Variants in SPHKAP observed in about 807,000 individuals in gnomAD.
SPHKAP encodes A-kinase anchor protein SPHKAP.
SPHKAP carries 67 observed loss-of-function variants against 137.5 expected under a neutral mutation model. That is an observed-to-expected ratio of 0.49 (90% CI 0.40 to 0.60). The LOEUF (loss-of-function observed/expected upper bound fraction) is 0.60. Among genes scored for constraint, SPHKAP ranks in the 20% least tolerant of loss-of-function variants. The pLI, the probability that SPHKAP is intolerant of heterozygous loss-of-function variation, is 0.00. For missense variants in SPHKAP, 2,097 were observed against 2,069.3 expected, an observed-to-expected ratio of 1.01 and a Z score of -0.26; for synonymous variants, 813 against 785.3, an observed-to-expected ratio of 1.04 and a Z score of -0.59.
intron 1 of SPHKAP, among the ~76,000 whole-genome samples, chr2:228,160,602 C>T (rs949004916): frequency 4.5e-4 from 69 of 152,290 alleles, no homozygotes; most frequent in African/African-American, 1.6e-3. Context: ...ATTTAATTAA[C>T]TCCCACCAGA....
Position 228,017,255 on chromosome 2 carries a change from C to G in SPHKAP, c.3599G>C (p.Arg1200Thr), listed in dbSNP as rs949872578. The G allele has an allele frequency of 4.3e-6, 7 of 1,613,976 alleles. No homozygotes were observed. The highest frequency in any genetic ancestry group is 5.9e-6 in the Non-Finnish European group (7 of 1,180,036). ...TTCTCTGCTGTCTCTTTCGATGTCC[C>G]TCAGCATGTACCTGTAGAACTCCTC... Reference protein sequence around the residue: ...ITEEFYRYMLRDIERDSRESA... With the variant: ...ITEEFYRYMLTDIERDSRESA... The change falls in exon 7 of 12, where the codon AGG becomes ACG. Residue 1200 changes from arginine to threonine, a missense_variant. Coordinates refer to ENST00000392056, the MANE Select transcript of SPHKAP (RefSeq NM_001142644.2).
chr2:228,009,805 A>T (rs538001275), intron 7 of SPHKAP, among the ~76,000 whole-genome samples: 1 of 152,278 alleles, frequency 6.6e-6, no homozygotes, highest in Non-Finnish European at 1.5e-5. Flanking sequence ...TAATTCTATG[A>T]TGTGATGTTT....
chr2:228,011,296 A>G (rs1221579025), intron 7 of SPHKAP, among the ~76,000 whole-genome samples: 2 of 147,886 alleles, frequency 1.4e-5, no homozygotes, highest in Admixed American at 6.8e-5. Context: ...TCACACCTTT[A>G]CTGAGGTTGT....
At position 228,049,517 on chromosome 2, in the gene SPHKAP, G is replaced by T. The variant is rs116768662; in HGVS notation, c.247-21974C>A. Among the ~76,000 whole-genome samples, 561 of 152,124 alleles carry T rather than the reference G, an allele frequency of 3.7e-3. 2 individuals carry two copies. Among genetic ancestry groups the T allele is most frequent in the African/African-American group, 0.013 (539 of 41,478 alleles). Reference sequence around the variant, plus strand: ...TTATGTATTATTTACAATAATTTTGGCTTTTATTTCAGATTTAAGGAGTGC... The same window carrying T: ...TTATGTATTATTTACAATAATTTTGTCTTTTATTTCAGATTTAAGGAGTGC... On this transcript the variant is annotated intron_variant, in intron 3 of 11. Transcript: ENST00000392056.
At chr2:228,071,988 A>T (rs73096675) in intron 3 of SPHKAP, among the ~76,000 whole-genome samples, 2,815 of 152,312 alleles carry the variant, frequency 0.018, 86 homozygotes, top group African/African-American at 0.062. Flanking sequence ...GAGACTAGCC[A>T]TTGAATCAGG....
intron 3 of SPHKAP, among the ~76,000 whole-genome samples, chr2:228,099,850 TTTTTG>T (rs981622671): frequency 4.6e-5 from 3 of 65,152 alleles, no homozygotes; most frequent in African/African-American, 1.8e-4. Context: ...TACTGATTTT[TTTTTG>T]TTTGTTTTTT....
intron 3 of SPHKAP, among the ~76,000 whole-genome samples, chr2:228,097,290 G>A (rs1410593284): frequency 2.6e-5 from 4 of 152,194 alleles, no homozygotes; most frequent in South Asian, 4.1e-4. Flanking sequence ...AAAAATAGTT[G>A]AGAAATGGTA....
intron 2 of SPHKAP, among the ~76,000 whole-genome samples, chr2:228,109,772 C>T (rs1436427791): frequency 6.6e-6 from 1 of 151,758 alleles, no homozygotes; most frequent in African/African-American, 2.4e-5. Flanking sequence ...TTGAGACCAG[C>T]CTGGCTAACA....
At chr2:228,012,696 A>G (rs1012902028) in intron 7 of SPHKAP, among the ~76,000 whole-genome samples, 7 of 152,240 alleles carry the variant, frequency 4.6e-5, no homozygotes, top group African/African-American at 9.6e-5. Context: ...GCTTGTCAGA[A>G]TAAGCACTCA....
intron 8 of SPHKAP, chr2:227,993,952 C>A (rs538748410): frequency 2.9e-6 from 2 of 682,882 alleles, no homozygotes; most frequent in Non-Finnish European, 3.6e-6. Context: ...ATTCTAGTTA[C>A]GGTGAAGGTA....
intron 3 of SPHKAP, among the ~76,000 whole-genome samples, chr2:228,031,230 G>T (rs1244483573): frequency 6.6e-6 from 1 of 152,230 alleles, no homozygotes; most frequent in Non-Finnish European, 1.5e-5. Flanking sequence ...TCCCGCACCT[G>T]GCTCAGAGGG....
rs140944536 is a variant in SPHKAP at position 228,129,948 on chromosome 2, C to T, written c.138+2032G>A. On this transcript the variant is annotated intron_variant, in intron 2 of 11. Coordinates refer to ENST00000392056, the MANE Select transcript of SPHKAP (RefSeq NM_001142644.2). Reference sequence around the variant, plus strand: ...AGTAGCTGGGACTACAGGCACCTGCCACCATGCCCAGCTAACTTTTGTATT... The same window carrying T: ...AGTAGCTGGGACTACAGGCACCTGCTACCATGCCCAGCTAACTTTTGTATT... 4.8e-3 allele frequency among the ~76,000 whole-genome samples: 724 copies of T among 152,078 alleles called. 6 individuals carry two copies. The highest frequency in any genetic ancestry group is 0.016 in the African/African-American group (679 of 41,508).
chr2:228,059,970 A>G (rs1482585520), intron 3 of SPHKAP, among the ~76,000 whole-genome samples: 1 of 152,214 alleles, frequency 6.6e-6, no homozygotes, highest in African/African-American at 2.4e-5. Flanking sequence ...CTGACCCTGT[A>G]CTTACACACA....
intron 1 of SPHKAP, among the ~76,000 whole-genome samples, chr2:228,168,693 G>A (rs1416924338): frequency 6.6e-6 from 1 of 152,030 alleles, no homozygotes; most frequent in African/African-American, 2.4e-5. Context: ...ACCAGTTAAT[G>A]ACTCTGAAAT....
At chr2:228,133,179 T>C (rs1239157819) in intron 1 of SPHKAP, among the ~76,000 whole-genome samples, 1 of 151,806 alleles carries the variant, frequency 6.6e-6, no homozygotes, top group Non-Finnish European at 1.5e-5. Flanking sequence ...TGGTGGTGCA[T>C]GCCTGTAGTC....
At chr2:227,982,773 C>T (rs1693048494) in intron 11 of SPHKAP, among the ~76,000 whole-genome samples, 1 of 152,214 alleles carries the variant, frequency 6.6e-6, no homozygotes, top group African/African-American at 2.4e-5. Context: ...GGTCTTCTAA[C>T]ACTTCCGTAC....
Position 228,027,337 on chromosome 2 carries a change from A to T in SPHKAP, c.306+147T>A, listed in dbSNP as rs1452357951. 120 of 774,380 alleles carry T rather than the reference A, an allele frequency of 1.5e-4. No homozygotes were observed. The East Asian group carries it at 3.1e-3, about 20-fold the overall frequency. 48.0% of individuals were successfully genotyped at this position (774,380 alleles called of 1,614,324 possible). On this transcript the variant is annotated intron_variant, in intron 4 of 11. Coordinates refer to ENST00000392056, the MANE Select transcript of SPHKAP (RefSeq NM_001142644.2). ...GTAAAAAGGGCAAACGGTAGAGGGTAAGTGCTAGGGAAAGGGTCGGGGAAA... is the reference window on the plus strand; with the variant it reads ...GTAAAAAGGGCAAACGGTAGAGGGTTAGTGCTAGGGAAAGGGTCGGGGAAA...
chr2:228,012,794 G>A (rs1017555737), intron 7 of SPHKAP, among the ~76,000 whole-genome samples: 2 of 152,302 alleles, frequency 1.3e-5, no homozygotes, highest in African/African-American at 2.4e-5. Flanking sequence ...TTAAGATTAT[G>A]TCAGTAAGTA....
intron 11 of SPHKAP, among the ~76,000 whole-genome samples, chr2:227,987,424 T>C (rs1371024698): frequency 2.0e-5 from 3 of 152,232 alleles, no homozygotes; most frequent in Admixed American, 2.0e-4. Flanking sequence ...ATGTAAAATC[T>C]AAGAGGGTAG....
Sources: gnomAD v4.1 joint callset for allele counts (sites outside exome capture counted in the v4.1 genomes callset) on GRCh38, gnomAD v4.1.1 for gene constraint, MANE v1.5 for transcripts, NCBI Gene and HGNC (gene_info 2026-07-23, HGNC 2026-07-21) for gene names.